The following COL21A1 variants were observed in gnomAD, a reference collection of about 807,000 sequenced individuals.
COL21A1 encodes the protein collagen alpha-1(XXI) chain.
A neutral mutation model predicts 137.9 loss-of-function variants in COL21A1; 149 were observed. That is an observed-to-expected ratio of 1.08 (90% CI 0.95 to 1.24). COL21A1 has a LOEUF of 1.24. Ranked by LOEUF, COL21A1 falls within the 50% of genes most tolerant of loss-of-function variation. The pLI is 0.00. For missense variants in COL21A1, 1,167 were observed against 1,158.4 expected (o/e 1.01, Z -0.11); for synonymous variants, 456 against 391.5 (o/e 1.16, Z -1.95).
upstream of COL21A1, among the ~76,000 whole-genome samples, chr6:56,249,127 TA>T (rs747740710): frequency 1.4e-4 from 22 of 152,278 alleles, no homozygotes; most frequent in East Asian, 3.1e-3. Flanking sequence ...GAATGAATGC[TA>T]AACATAATTA....
intron 17 of COL21A1, chr6:56,078,099 A>C: frequency 2.2e-6 from 1 of 455,892 alleles, no homozygotes; most frequent in Non-Finnish European, 4.4e-6. Flanking sequence ...TTACTGATGC[A>C]ATCATGAAGA....
At chr6:56,390,521 C>T (rs1288929931) in intron 1 of COL21A1, among the ~76,000 whole-genome samples, 5 of 151,578 alleles carry the variant, frequency 3.3e-5, no homozygotes, top group Admixed American at 1.3e-4. Flanking sequence ...CACACACACA[C>T]ACACACACAC....
At chr6:56,151,810 T>G (rs1305984498) in intron 10 of COL21A1, among the ~76,000 whole-genome samples, 1 of 152,156 alleles carries the variant, frequency 6.6e-6, no homozygotes, top group Admixed American at 6.5e-5. Flanking sequence ...CCACTCCCAC[T>G]GGGTGCTGGC....
intron 1 of COL21A1, among the ~76,000 whole-genome samples, chr6:56,192,372 C>T (rs1032539259): frequency 1.3e-5 from 2 of 152,096 alleles, no homozygotes; most frequent in African/African-American, 4.8e-5. Context: ...AACTAAAGAG[C>T]TTCTGCAAAG....
intron 29 of COL21A1, among the ~76,000 whole-genome samples, chr6:56,058,373 A>G (rs1485399887): frequency 6.6e-6 from 1 of 152,186 alleles, no homozygotes; most frequent in African/African-American, 2.4e-5. Flanking sequence ...TAATTTGTCA[A>G]ACATAGCCTG....
chr6:56,127,636 T>G (rs1454073883), intron 12 of COL21A1, among the ~76,000 whole-genome samples: 1 of 152,242 alleles, frequency 6.6e-6, no homozygotes, highest in Non-Finnish European at 1.5e-5. Flanking sequence ...TAATTTAGAA[T>G]TTTTAAATCA....
chr6:56,241,808 T>C (rs565444385), intron 1 of COL21A1, among the ~76,000 whole-genome samples: 2 of 152,352 alleles, frequency 1.3e-5, no homozygotes, highest in East Asian at 1.9e-4. Context: ...GCTATGCTTG[T>C]TGAGGTTTTT....
chr6:56,276,049 G>C (rs910840823), intron 1 of COL21A1, among the ~76,000 whole-genome samples: 1 of 152,168 alleles, frequency 6.6e-6, no homozygotes, highest in Non-Finnish European at 1.5e-5. Context: ...CCATAAAAAA[G>C]AGTGAAATGT....
At chr6:56,304,650 T>G (rs1764392417) in intron 1 of COL21A1, among the ~76,000 whole-genome samples, 1 of 152,212 alleles carries the variant, frequency 6.6e-6, no homozygotes, top group Non-Finnish European at 1.5e-5. Context: ...TTGCTAGCAG[T>G]CTATCAATGT....
Position 56,180,279 on chromosome 6 carries a change from A to C in COL21A1, c.89-150T>G, listed in dbSNP as rs190761029. 3 of 698,594 alleles carry C rather than the reference A, an allele frequency of 4.3e-6. No individual in the cohort carries two copies. In the Admixed American group the frequency reaches 1.0e-4, roughly 24 times the overall value. 43.3% of individuals were successfully genotyped at this position (698,594 alleles called of 1,614,324 possible). Reference sequence around the variant, plus strand: ...ATGTTTAGCTTAATGCTAACGTGAAATATTACAAAAATATAAGCCAGTGAA... The same window carrying C: ...ATGTTTAGCTTAATGCTAACGTGAACTATTACAAAAATATAAGCCAGTGAA... On this transcript the variant is annotated intron_variant, in intron 2 of 29. Coordinates refer to ENST00000244728, the MANE Select transcript of COL21A1 (RefSeq NM_030820.4).
At chr6:56,143,941 CT>C (rs1209348673) in intron 10 of COL21A1, among the ~76,000 whole-genome samples, 1 of 152,136 alleles carries the variant, frequency 6.6e-6, no homozygotes, top group African/African-American at 2.4e-5. Context: ...GTTTGTGCAC[CT>C]TTCTGTAGAA....
chr6:56,170,867 TAGAAAA>T lies in COL21A1; in HGVS notation c.810-8_810-3del, dbSNP rs1238154871. 8 of 1,607,104 alleles carry T rather than the reference TAGAAAA, an allele frequency of 5.0e-6. No homozygotes were observed. ...GGAAGACCTTCTGGGAAAACATTGC[TAGAAAA>T]AGAAGAGCAAGTGTAAGCTTAAAGA... On this transcript the variant is annotated splice_polypyrimidine_tract_variant and splice_region_variant and intron_variant, in intron 4 of 29. Transcript: ENST00000244728.
intron 1 of COL21A1, among the ~76,000 whole-genome samples, chr6:56,326,351 T>C (rs1765090046): frequency 6.6e-6 from 1 of 151,766 alleles, no homozygotes; most frequent in Admixed American, 6.6e-5. Context: ...GTAATTCACA[T>C]ATATTAATTC....
At chr6:56,260,705 C>CAGGCAGGCAGGAAGGG (rs1562029034) in intron 1 of COL21A1, among the ~76,000 whole-genome samples, 5 of 128,850 alleles carry the variant, frequency 3.9e-5, no homozygotes, top group Admixed American at 8.1e-5. Context: ...GGCAGGCAGG[C>CAGGCAGGCAGGAAGGG]AGGCAGGCAG....
At chr6:56,195,466 T>C (rs1317421890) in intron 1 of COL21A1, among the ~76,000 whole-genome samples, 3 of 151,824 alleles carry the variant, frequency 2.0e-5, no homozygotes, top group African/African-American at 2.4e-5. Flanking sequence ...AGGGGCAGAA[T>C]TGTGAGTATT....
intron 1 of COL21A1, among the ~76,000 whole-genome samples, chr6:56,366,300 A>G (rs965924938): frequency 6.6e-6 from 1 of 152,168 alleles, no homozygotes; most frequent in Admixed American, 6.5e-5. Flanking sequence ...CCCTCCTCCC[A>G]TAACAACCCT....
At chr6:56,377,076 C>A (rs1278904712) in intron 1 of COL21A1, among the ~76,000 whole-genome samples, 1 of 150,418 alleles carries the variant, frequency 6.6e-6, no homozygotes, top group Non-Finnish European at 1.5e-5. Context: ...CTGCCAGGTT[C>A]AAACAATTCT....
At chr6:56,068,939 A>G in intron 22 of COL21A1, 107 bp downstream of exon 22, 1 of 729,632 alleles carries the variant, frequency 1.4e-6, no homozygotes, top group East Asian at 2.8e-5. Flanking sequence ...GTACTTTATC[A>G]TTAAAAATAT....
chr6:56,298,167 C>T (rs891713729), intron 1 of COL21A1, among the ~76,000 whole-genome samples: 1 of 151,214 alleles, frequency 6.6e-6, no homozygotes, highest in African/African-American at 2.4e-5. Context: ...TTGGAAGGCG[C>T]CAAGTCCAAT....
Sources: gnomAD v4.1 joint callset for allele counts (sites outside exome capture counted in the v4.1 genomes callset) on GRCh38, gnomAD v4.1.1 for gene constraint, MANE v1.5 for transcripts, NCBI Gene and HGNC (gene_info 2026-07-23, HGNC 2026-07-21) for gene names.